The following TBC1D31 variants were observed in gnomAD, a reference collection of about 807,000 sequenced individuals.
TBC1D31 encodes WD repeat domain 67.
Under a neutral mutation model 132.9 loss-of-function variants are expected in TBC1D31, and 99 were observed. The ratio of observed to expected loss-of-function variants is 0.74; its 90% confidence interval spans 0.63 to 0.88. The LOEUF is 0.88. Ranked by LOEUF, TBC1D31 falls within the 40% of genes least tolerant of loss-of-function variation. TBC1D31 has a pLI of 0.00. For missense variants in TBC1D31, 1,134 were observed against 1,256.6 expected, an observed-to-expected ratio of 0.90 and a Z score of 1.48; for synonymous variants, 385 against 419.4, an observed-to-expected ratio of 0.92 and a Z score of 1.00.
In TBC1D31 at chr8:123,129,225, G is replaced by T. The variant is rs1820390013; in HGVS notation, c.2270+7G>T. 2 of 1,498,162 alleles carry T rather than the reference G, an allele frequency of 1.3e-6. No individual in the cohort carries two copies. The highest frequency in any genetic ancestry group is 2.4e-5 in the East Asian group (1 of 42,466). The allele number at this position is 1,498,162 out of a possible 1,614,324, so 92.8% of individuals were successfully genotyped here. A position where few individuals can be genotyped will look rare whatever the true frequency, so the allele number is the denominator to read the frequency against. ...TGATACAACAAAGACAGAGGTATGT[G>T]TTATCACTTTAAAAAAAAATCTGGA... On this transcript the variant is annotated splice_region_variant and intron_variant, in intron 15 of 21. Transcript: ENST00000287380.
intron 19 of TBC1D31, 41 bp downstream of exon 19, chr8:123,142,497 AT>A (rs35381039): frequency 0.19 from 200,734 of 1,061,644 alleles, 4 homozygotes; most frequent in East Asian, 0.29. Flanking sequence ...TCAAGCATTG[AT>A]TTTTTTTTTT....
chr8:123,153,885 A>G (rs143913307), downstream of TBC1D31, among the ~76,000 whole-genome samples: 1,053 of 152,332 alleles, frequency 6.9e-3, 10 homozygotes, highest in Non-Finnish European at 7.5e-3. Context: ...GAATTCTGCA[A>G]TGTTGGCTAA....
At chr8:123,102,425 G>A in intron 7 of TBC1D31, 1 of 355,564 alleles carries the variant, frequency 2.8e-6, no homozygotes, top group South Asian at 2.2e-5. Context: ...AATTATACAA[G>A]TAGTGTCTTA....
intron 7 of TBC1D31, chr8:123,103,962 C>T (rs560817909): frequency 3.9e-5 from 6 of 152,140 alleles, no homozygotes; most frequent in Non-Finnish European, 5.9e-5. Context: ...AATCATAACT[C>T]ACCTTTGTCT....
At chr8:123,099,608 T>G (rs1349722155) in intron 6 of TBC1D31, among the ~76,000 whole-genome samples, 2 of 151,958 alleles carry the variant, frequency 1.3e-5, no homozygotes, top group African/African-American at 2.4e-5. Flanking sequence ...GAGTGACAGG[T>G]TTGTGTGGGG....
At chr8:123,074,193 A>AT (rs1292596210) in intron 1 of TBC1D31, among the ~76,000 whole-genome samples, 2 of 151,636 alleles carry the variant, frequency 1.3e-5, no homozygotes, top group Admixed American at 6.6e-5. Flanking sequence ...CTCCCGGCTA[A>AT]TTTTTTGTAT....
the TBC1D31 span, among the ~76,000 whole-genome samples, chr8:123,164,958 C>G: frequency 6.6e-6 from 1 of 152,182 alleles, no homozygotes; most frequent in Admixed American, 6.5e-5. Flanking sequence ...CTTGCCAATA[C>G]ATAGATATCT....
At chr8:123,159,660 C>T in the TBC1D31 span, among the ~76,000 whole-genome samples, 1 of 152,018 alleles carries the variant, frequency 6.6e-6, no homozygotes, top group Non-Finnish European at 1.5e-5. Flanking sequence ...GGTGTGGTGG[C>T]GCATGCCTGT....
chr8:123,113,358 T>C (rs745388061), intron 10 of TBC1D31, among the ~76,000 whole-genome samples: 1 of 152,220 alleles, frequency 6.6e-6, no homozygotes, highest in Non-Finnish European at 1.5e-5. Context: ...ATTTTTTCAC[T>C]CTTTCATTAA....
At chr8:123,137,935 A>G (rs936031736) in intron 17 of TBC1D31, among the ~76,000 whole-genome samples, 1 of 152,214 alleles carries the variant, frequency 6.6e-6, no homozygotes, top group South Asian at 2.1e-4. Context: ...TGTATGATAC[A>G]TATTGGATAG....
intron 20 of TBC1D31, among the ~76,000 whole-genome samples, chr8:123,149,120 G>A (rs1822536350): frequency 6.6e-6 from 1 of 151,980 alleles, no homozygotes; most frequent in African/African-American, 2.4e-5. Context: ...TTTTTCCGCT[G>A]AGTTCTGTCC....
chr8:123,149,412 G>A (rs1250165245), intron 20 of TBC1D31, among the ~76,000 whole-genome samples: 2 of 152,196 alleles, frequency 1.3e-5, no homozygotes, highest in African/African-American at 4.8e-5. Flanking sequence ...AGATGCTAGC[G>A]GTGGGAGTAG....
intron 13 of TBC1D31, 26 bp from the exon 14 acceptor site, chr8:123,128,255 G>A (rs530657597): frequency 3.0e-5 from 38 of 1,270,274 alleles, no homozygotes; most frequent in East Asian, 7.0e-5. Flanking sequence ...GGTAAATCTC[G>A]ATTTAAACAC....
At chr8:123,104,689 G>A (rs528378353) in intron 7 of TBC1D31, among the ~76,000 whole-genome samples, 1 of 152,098 alleles carries the variant, frequency 6.6e-6, no homozygotes, top group African/African-American at 2.4e-5. Context: ...GTTTTTTTCC[G>A]TGTTTGATGG....
At position 123,142,274 on chromosome 8, in the gene TBC1D31, A is replaced by C. The variant is rs144810574; in HGVS notation, c.2653A>C (p.Asn885His). The C allele has an allele frequency of 8.4e-5, 132 of 1,568,572 alleles. No individual in the cohort carries two copies. The African/African-American group carries it at 1.7e-3, about 20-fold the overall frequency. Residue 885 changes from asparagine (N) to histidine (H), a missense_variant, in exon 19 of 22, where the codon AAT becomes CAT. Coordinates refer to ENST00000287380, the MANE Select transcript of TBC1D31 (RefSeq NM_145647.4). ...AACTTTTTCCTAGGTGATTAAAGAA[A>C]ATTTGGCAAAGGCTGAACAAGCATG... The part of the protein sequence containing the change: ...SQKTQKVIKE[N>H]LAKAEQACLN...
intron 4 of TBC1D31, among the ~76,000 whole-genome samples, chr8:123,084,774 CTT>C (rs11322501): frequency 2.0e-5 from 3 of 147,522 alleles, no homozygotes; most frequent in African/African-American, 2.5e-5. Context: ...ATCCATCTTT[CTT>C]TTTTTTTTTG....
intron 2 of TBC1D31, among the ~76,000 whole-genome samples, chr8:123,078,226 TG>T (rs1445175494): frequency 6.6e-6 from 1 of 152,118 alleles, no homozygotes; most frequent in Non-Finnish European, 1.5e-5. Flanking sequence ...GCATAGCGAA[TG>T]GGGCAGTGAT....
chr8:123,134,246 T>C (rs757628673), intron 17 of TBC1D31, 40 bp downstream of exon 17: 1 of 1,561,490 alleles, frequency 6.4e-7, no homozygotes, highest in South Asian at 1.1e-5. Context: ...AAGCAGGTTT[T>C]GGCCAGGCTC....
At chr8:123,163,207 A>T in the TBC1D31 span, among the ~76,000 whole-genome samples, 21 of 152,110 alleles carry the variant, frequency 1.4e-4, no homozygotes, top group Admixed American at 1.0e-3. Flanking sequence ...GGCATGAGTC[A>T]CCGCACCTGG....
Sources: allele counts gnomAD v4.1 joint callset (sites outside exome capture counted in the v4.1 genomes callset), GRCh38; gene constraint gnomAD v4.1.1; transcripts MANE v1.5; gene names NCBI Gene and HGNC (gene_info 2026-07-23, HGNC 2026-07-21).